DHX35: variants seen among roughly 807,000 people sequenced by gnomAD.
DHX35 encodes probable ATP-dependent RNA helicase DHX35.
A neutral mutation model predicts 99.6 loss-of-function variants in DHX35; 84 were observed. The observed-to-expected ratio is 0.84, with a 90% CI of 0.71 to 1.01. DHX35 has a LOEUF of 1.01. Among genes scored for constraint, DHX35 ranks in the 50% least tolerant of loss-of-function variants. DHX35 has a pLI of 0.00. For synonymous variants in DHX35, 331 were observed against 316.2 expected (o/e 1.05, Z -0.50); for missense variants, 852 against 888.5 (o/e 0.96, Z 0.52).
intron 10 of DHX35, among the ~76,000 whole-genome samples, chr20:39,003,311 C>G (rs2086554912): frequency 6.6e-6 from 1 of 152,198 alleles, no homozygotes; most frequent in Admixed American, 6.5e-5. Context: ...GTGGCCAGCA[C>G]TATTCAGACC....
intron 17 of DHX35, among the ~76,000 whole-genome samples, chr20:39,024,713 C>T (rs571357930): frequency 6.6e-6 from 1 of 152,170 alleles, no homozygotes; most frequent in South Asian, 2.1e-4. Flanking sequence ...GGTACATTTC[C>T]ACAGCAATAA....
intron 11 of DHX35, among the ~76,000 whole-genome samples, chr20:39,005,602 T>G (rs1184954787): frequency 6.6e-6 from 1 of 152,214 alleles, no homozygotes; most frequent in Admixed American, 6.5e-5. Context: ...GAAATTATCT[T>G]CTTGTTTATG....
chr20:39,018,879 C>T lies in DHX35; in HGVS notation c.1478C>T (p.Ala493Val). The stretch of plus-strand genomic sequence containing the variant: ...GAGTTTCCTTTGAATCCCATGTTTG[C>T]CAAAATGCTGCTTGAATCAGGTGGG... ...IAEFPLNPMF[A>V]KMLLESGNFG... Residue 493 changes from alanine to valine, a missense_variant, in exon 15 of 22, where the codon GCC (alanine) becomes GTC (valine). Physicochemically the swap from Ala to Val is moderately conservative, Grantham distance 64. Transcript: ENST00000252011. The T allele has an allele frequency of 1.2e-6, 2 of 1,613,938 alleles. No homozygotes were observed. Among genetic ancestry groups the T allele is most frequent in the Non-Finnish European group, 1.7e-6 (2 of 1,179,946 alleles).
chr20:39,022,721 G>A (rs1163595785), intron 16 of DHX35, among the ~76,000 whole-genome samples: 3 of 152,240 alleles, frequency 2.0e-5, no homozygotes, highest in African/African-American at 7.2e-5. Flanking sequence ...CATGTTGCAG[G>A]TGGGCCATTA....
chr20:39,018,268 G>A (rs540206132), intron 14 of DHX35, among the ~76,000 whole-genome samples: 1 of 152,242 alleles, frequency 6.6e-6, no homozygotes, highest in East Asian at 1.9e-4. Context: ...GGCCTGTCCG[G>A]TCCTGGAGGT....
chr20:38,979,338 T>C (rs759582946), intron 3 of DHX35, among the ~76,000 whole-genome samples: 5 of 152,158 alleles, frequency 3.3e-5, no homozygotes. Flanking sequence ...AAAATACTTA[T>C]GGGGTTGCTG....
At chr20:38,967,836 A>C (rs2085932289) in intron 1 of DHX35, among the ~76,000 whole-genome samples, 1 of 152,096 alleles carries the variant, frequency 6.6e-6, no homozygotes, top group Non-Finnish European at 1.5e-5. Flanking sequence ...CATTTACCTC[A>C]TCCCATTCCA....
intron 1 of DHX35, among the ~76,000 whole-genome samples, chr20:38,966,138 A>G (rs1242669280): frequency 6.6e-6 from 1 of 152,240 alleles, no homozygotes; most frequent in African/African-American, 2.4e-5. Context: ...GTTAAAGGGA[A>G]TGAGGAATTA....
chr20:38,972,599 C>T lies in DHX35; in HGVS notation c.215C>T (p.Thr72Ile), dbSNP rs2086019375. 6.2e-7 allele frequency: 1 copy of T among 1,612,654 alleles called. No homozygotes were observed. Among genetic ancestry groups the T allele is most frequent in the East Asian group, 2.2e-5 (1 of 44,824 alleles). The change falls in exon 3 of 22, where the codon ACA (threonine) becomes ATA (isoleucine). Residue 72 changes from threonine (T) to isoleucine (I), a missense_variant. By Grantham distance (89) the Thr-to-Ile change is moderately conservative. Transcript: ENST00000252011. Reference protein sequence around the residue: ...HILYLIENYQTVVIVGETGCG... With the variant: ...HILYLIENYQIVVIVGETGCG... ...TTATACTTGATAGAAAATTATCAGA[C>T]AGTGGTGATTGTTGGTGAAACAGGA...
chr20:38,995,682 A>C (rs2086418252), intron 8 of DHX35, among the ~76,000 whole-genome samples: 1 of 152,250 alleles, frequency 6.6e-6, no homozygotes, highest in Non-Finnish European at 1.5e-5. Flanking sequence ...TACATGCAGA[A>C]ATAGATGTTT....
In DHX35 at chr20:39,028,478, T is replaced by A; in HGVS notation, c.1862T>A (p.Phe621Tyr). The A allele has an allele frequency of 6.2e-7, 1 of 1,614,236 alleles. No individual in the cohort carries two copies. Among genetic ancestry groups the A allele is most frequent in the Non-Finnish European group, 8.5e-7 (1 of 1,180,048 alleles). ...VSGFFANAAR[F>Y]HSTGAYRTIR... ...GGCTTCTTCGCCAATGCAGCGAGGT[T>A]TCATTCTACTGGAGCTTATAGGTAA... The change falls in exon 19 of 22, where the codon TTT becomes TAT. Residue 621 changes from phenylalanine to tyrosine, a missense_variant. Phe to Tyr is a conservative substitution (Grantham distance 22, BLOSUM62 3). Coordinates refer to ENST00000252011, the MANE Select transcript of DHX35 (RefSeq NM_021931.4).
chr20:39,028,258 C>T (rs907826306), intron 18 of DHX35, among the ~76,000 whole-genome samples, 160 bp from the exon 19 acceptor site: 5 of 152,098 alleles, frequency 3.3e-5, no homozygotes, highest in African/African-American at 9.7e-5. Flanking sequence ...GGCAGGCATC[C>T]AGCATTGGGA....
chr20:39,034,402 GCCCTATGTGTGTTCC>G (rs1244492015), intron 21 of DHX35, 85 bp downstream of exon 21: 1 of 1,147,412 alleles, frequency 8.7e-7, no homozygotes, highest in Non-Finnish European at 1.3e-6. Flanking sequence ...CCAATTTAAT[GCCCTATGTGTGTTCC>G]CCCTAGGGGT....
chr20:39,029,133 G>T (rs2087004045), intron 19 of DHX35: 2 of 152,140 alleles, frequency 1.3e-5, no homozygotes, highest in African/African-American at 4.8e-5. Context: ...CCAGTGCTTT[G>T]AATTGTTACT....
At chr20:38,976,940 C>CT (rs939481397) in intron 3 of DHX35, among the ~76,000 whole-genome samples, 1 of 152,086 alleles carries the variant, frequency 6.6e-6, no homozygotes, top group African/African-American at 2.4e-5. Context: ...GGATTTCATT[C>CT]TTTTTTATGA....
Position 39,018,914 on chromosome 20 carries a change from A to G in DHX35, c.1498+15A>G, listed in dbSNP as rs1451751893. On this transcript the variant is annotated intron_variant, in intron 15 of 21. Transcript: ENST00000252011. ...GCTTGAATCAGGTGGGTAGAGCCTGATAGCTTGAATTGATTTTATTTTGAC... is the reference window on the plus strand; with the variant it reads ...GCTTGAATCAGGTGGGTAGAGCCTGGTAGCTTGAATTGATTTTATTTTGAC... 3 of 1,612,960 alleles carry G rather than the reference A, an allele frequency of 1.9e-6. No individual in the cohort carries two copies. Among genetic ancestry groups the G allele is most frequent in the Non-Finnish European group, 2.5e-6 (3 of 1,179,178 alleles).
At chr20:38,996,639 C>T (rs1236916969) in intron 8 of DHX35, among the ~76,000 whole-genome samples, 1 of 152,184 alleles carries the variant, frequency 6.6e-6, no homozygotes, top group Non-Finnish European at 1.5e-5. Context: ...GTCCCTGGCT[C>T]CTGGCTCCTA....
chr20:39,018,379 A>G (rs925003244), intron 14 of DHX35, among the ~76,000 whole-genome samples: 1 of 152,036 alleles, frequency 6.6e-6, no homozygotes, highest in Non-Finnish European at 1.5e-5. Context: ...AGCAGCGGCC[A>G]GCAGAGCCGA....
intron 1 of DHX35, among the ~76,000 whole-genome samples, chr20:38,966,549 A>G (rs1393254038): frequency 6.6e-6 from 1 of 152,116 alleles, no homozygotes; most frequent in Non-Finnish European, 1.5e-5. Context: ...CGTGCCTGTA[A>G]TCCCAGCTAC....
Sources: gnomAD v4.1 joint callset for allele counts (sites outside exome capture counted in the v4.1 genomes callset) on GRCh38, gnomAD v4.1.1 for gene constraint, MANE v1.5 for transcripts, NCBI Gene and HGNC (gene_info 2026-07-23, HGNC 2026-07-21) for gene names.